Variants in PPP1R12B observed in about 807,000 individuals in gnomAD.
The protein encoded by PPP1R12B is protein phosphatase 1 regulatory subunit 12B, also known as myosin phosphatase target subunit 2.
In PPP1R12B, 76 loss-of-function variants were observed where a neutral mutation model predicts 126.1. The ratio of observed to expected loss-of-function variants is 0.60; its 90% CI spans 0.50 to 0.73. The LOEUF (loss-of-function observed/expected upper bound fraction) is 0.73. Ranked by LOEUF, PPP1R12B falls within the 30% of genes least tolerant of loss-of-function variation. The probability of loss-of-function intolerance (pLI) is 0.00; values close to 1 mark genes in which losing one functional copy is unlikely to be tolerated. For missense variants in PPP1R12B, 1,052 were observed against 1,205.1 expected, an observed-to-expected ratio of 0.87 and a Z score of 1.88; for synonymous variants, 356 against 434.7, an observed-to-expected ratio of 0.82 and a Z score of 2.25.
At chr1:202,405,402 T>C (rs1666461457) in intron 1 of PPP1R12B, among the ~76,000 whole-genome samples, 2 of 152,224 alleles carry the variant, frequency 1.3e-5, no homozygotes, top group African/African-American at 4.8e-5. Context: ...TATATTCATA[T>C]TTAAGTATAA....
At chr1:202,457,730 G>A (rs1673819101) in intron 13 of PPP1R12B, among the ~76,000 whole-genome samples, 1 of 152,124 alleles carries the variant, frequency 6.6e-6, no homozygotes, top group African/African-American at 2.4e-5. Flanking sequence ...ATTGAATAGG[G>A]TGACAAGGAA....
intron 13 of PPP1R12B, among the ~76,000 whole-genome samples, chr1:202,487,732 T>G (rs1401586651): frequency 1.3e-5 from 2 of 152,096 alleles, no homozygotes; most frequent in Non-Finnish European, 2.9e-5. Context: ...CTCAGCCTCC[T>G]GAGTAGCTGG....
chr1:202,386,522 G>A (rs1319575938), intron 1 of PPP1R12B, among the ~76,000 whole-genome samples: 12 of 151,292 alleles, frequency 7.9e-5, no homozygotes, highest in African/African-American at 4.9e-5. Context: ...TAGTAGAGAC[G>A]GTGTTTCACC....
chr1:202,428,365 C>A (rs565787641), intron 5 of PPP1R12B, among the ~76,000 whole-genome samples: 1 of 152,296 alleles, frequency 6.6e-6, no homozygotes, highest in South Asian at 2.1e-4. Flanking sequence ...AGGTTTCATT[C>A]TCAGACTGTG....
intron 18 of PPP1R12B, chr1:202,558,570 G>A (rs1687194667): frequency 3.6e-6 from 1 of 281,446 alleles, no homozygotes. Flanking sequence ...TTAGTTGGGT[G>A]GGGAGTTGGG....
chr1:202,512,080 A>G (rs1464861363), intron 18 of PPP1R12B, among the ~76,000 whole-genome samples: 1 of 152,224 alleles, frequency 6.6e-6, no homozygotes. Context: ...ACTGGGTGAG[A>G]TCACCAAAAA....
At chr1:202,382,737 C>G (rs1662539133) in intron 1 of PPP1R12B, among the ~76,000 whole-genome samples, 1 of 151,648 alleles carries the variant, frequency 6.6e-6, no homozygotes, top group Non-Finnish European at 1.5e-5. Context: ...ATTAGCCAGG[C>G]TGGTGGCATG....
At position 202,473,825 on chromosome 1, in the gene PPP1R12B, T is replaced by A. The variant is rs1485280284; in HGVS notation, c.1851-14708T>A. 3.6e-5 allele frequency: 17 copies of A among 476,686 alleles called. No homozygotes were observed. In the East Asian group the frequency reaches 1.1e-3, roughly 31 times the overall value. 29.5% of individuals were successfully genotyped at this position (476,686 alleles called of 1,614,324 possible). On this transcript the variant is annotated intron_variant, in intron 13 of 23. Coordinates refer to ENST00000608999, the MANE Select transcript of PPP1R12B (RefSeq NM_002481.4). ...CTGTATAGCAGTGGCAGTGCAAGCC[T>A]TTTCCAGTTTCCAAGGGAGACCGGG...
chr1:202,562,009 G>A (rs1687583050), intron 19 of PPP1R12B, among the ~76,000 whole-genome samples: 1 of 152,184 alleles, frequency 6.6e-6, no homozygotes, highest in African/African-American at 2.4e-5. Flanking sequence ...TTTTAATTTG[G>A]AAAGAGCAAA....
At chr1:202,408,982 C>T (rs571971995) in intron 1 of PPP1R12B, among the ~76,000 whole-genome samples, 5 of 151,486 alleles carry the variant, frequency 3.3e-5, no homozygotes, top group East Asian at 1.9e-4. Flanking sequence ...GGATTACAGG[C>T]GCATGCCACC....
At chr1:202,429,856 T>G (rs2148658812) in intron 6 of PPP1R12B, among the ~76,000 whole-genome samples, 1 of 152,282 alleles carries the variant, frequency 6.6e-6, no homozygotes, top group African/African-American at 2.4e-5. Context: ...ATACCTAATC[T>G]CTGTTGTGTT....
At chr1:202,408,626 C>G (rs1397274880) in intron 1 of PPP1R12B, among the ~76,000 whole-genome samples, 1 of 152,110 alleles carries the variant, frequency 6.6e-6, no homozygotes, top group African/African-American at 2.4e-5. Flanking sequence ...TCCCACAGTT[C>G]TGGAGTCCAG....
chr1:202,524,897 G>A (rs1319196348), intron 18 of PPP1R12B, among the ~76,000 whole-genome samples: 1 of 151,244 alleles, frequency 6.6e-6, no homozygotes, highest in African/African-American at 2.4e-5. Flanking sequence ...TTTATTTTTT[G>A]GACAGAGTCT....
chr1:202,557,247 G>A (rs1161024554), intron 18 of PPP1R12B, among the ~76,000 whole-genome samples: 3 of 152,124 alleles, frequency 2.0e-5, no homozygotes, highest in Admixed American at 2.0e-4. Context: ...TGCCTCCAGA[G>A]TGCTGGGATT....
At chr1:202,564,833 C>T (rs1687912166) in intron 21 of PPP1R12B, among the ~76,000 whole-genome samples, 1 of 152,182 alleles carries the variant, frequency 6.6e-6, no homozygotes, top group Non-Finnish European at 1.5e-5. Flanking sequence ...CATAAACCAG[C>T]ACTACAAAGC....
intron 18 of PPP1R12B, among the ~76,000 whole-genome samples, chr1:202,556,669 A>C (rs1348729611): frequency 6.6e-6 from 1 of 152,172 alleles, no homozygotes; most frequent in African/African-American, 2.4e-5. Context: ...ACGTATTCTC[A>C]TGTTTTCCCT....
chr1:202,384,975 G>A (rs1027863558), intron 1 of PPP1R12B, among the ~76,000 whole-genome samples: 2 of 152,168 alleles, frequency 1.3e-5, no homozygotes, highest in African/African-American at 2.4e-5. Flanking sequence ...TAATTTCTCA[G>A]ATTAAAACTG....
intron 18 of PPP1R12B, among the ~76,000 whole-genome samples, chr1:202,533,563 C>T (rs1684226253): frequency 6.6e-6 from 1 of 152,112 alleles, no homozygotes; most frequent in Non-Finnish European, 1.5e-5. Flanking sequence ...AAGAGATTTG[C>T]TCTCCTTAGC....
In PPP1R12B at chr1:202,440,122, A is replaced by C. The variant is rs74136787; in HGVS notation, c.1459-584A>C. Among the ~76,000 whole-genome samples the C allele has an allele frequency of 4.4e-3, 670 of 151,944 alleles. 1 individual carries two copies. The highest frequency in any genetic ancestry group is 0.016 in the African/African-American group (645 of 41,454). On this transcript the variant is annotated intron_variant, in intron 10 of 23. Coordinates refer to ENST00000608999, the MANE Select transcript of PPP1R12B (RefSeq NM_002481.4). Reference sequence around the variant, plus strand: ...TTTGTGTATTCATTCAAGATTAGTAAATTTTTATTTTCTTCACTTTTTAGT... The same window carrying C: ...TTTGTGTATTCATTCAAGATTAGTACATTTTTATTTTCTTCACTTTTTAGT...
Sources: gnomAD v4.1 joint callset for allele counts (sites outside exome capture counted in the v4.1 genomes callset) on GRCh38, gnomAD v4.1.1 for gene constraint, MANE v1.5 for transcripts, NCBI Gene and HGNC (gene_info 2026-07-23, HGNC 2026-07-21) for gene names.